NHSL2: variants seen among roughly 807,000 people sequenced by gnomAD.
NHSL2 encodes NHS like 2, also known as NHS-like protein 2.
A neutral mutation model predicts 53.4 loss-of-function variants in NHSL2; 27 were observed. That is an observed-to-expected ratio of 0.51 (90% CI 0.37 to 0.70). NHSL2 has a LOEUF of 0.70. NHSL2 is among the 30% of genes least tolerant of loss of function. The pLI is 0.00. For synonymous variants in NHSL2, 408 were observed against 404.1 expected, an observed-to-expected ratio of 1.01 and a Z score of -0.12; for missense variants, 892 against 980.1, an observed-to-expected ratio of 0.91 and a Z score of 1.20.
At chrX:72,026,240 C>T (rs975523366) in intron 1 of NHSL2, among the ~76,000 whole-genome samples, 3 of 111,993 alleles carry the variant, frequency 2.7e-5, no homozygotes, top group South Asian at 3.7e-4. Flanking sequence ...TTTGAAATGG[C>T]GCTGCCCAGG....
At position 71,990,769 on chromosome X, in the gene NHSL2, G is replaced by T. The variant is rs2042023828; in HGVS notation, c.280+79402G>T. Among the ~76,000 whole-genome samples, 3 of 112,016 alleles carry T rather than the reference G, an allele frequency of 2.7e-5. No homozygotes were observed. In the South Asian group the frequency reaches 1.1e-3, roughly 42 times the overall value. ...CAAGGCCTGCTCAGACTTCCCCAAG[G>T]CTTCTCTGCTGCTTCCAGCATAAAA... On this transcript the variant is annotated intron_variant, in intron 1 of 7. Coordinates refer to ENST00000633930, the MANE Select transcript of NHSL2 (RefSeq NM_001013627.3).
intron 1 of NHSL2, among the ~76,000 whole-genome samples, chrX:72,101,698 C>G (rs1483719764): frequency 1.3e-4 from 14 of 110,195 alleles, no homozygotes; most frequent in African/African-American, 4.3e-4. Context: ...TTCATCGGCC[C>G]CACCTGCCAG....
At chrX:72,108,763 G>A (rs1403337129) in intron 1 of NHSL2, among the ~76,000 whole-genome samples, 2 of 111,965 alleles carry the variant, frequency 1.8e-5, no homozygotes, top group African/African-American at 6.5e-5. Flanking sequence ...AGGAAACGCT[G>A]AGCCCAGGTT....
intron 1 of NHSL2, among the ~76,000 whole-genome samples, chrX:72,065,959 T>C (rs186278348): frequency 3.1e-4 from 35 of 112,105 alleles, no homozygotes; most frequent in Non-Finnish European, 3.0e-4. Flanking sequence ...GTTCTGAGTA[T>C]AGGCTGGAGA....
At chrX:72,075,931 G>GTTT (rs2041738473) in intron 1 of NHSL2, among the ~76,000 whole-genome samples, 1 of 77,803 alleles carries the variant, frequency 1.3e-5, no homozygotes, top group African/African-American at 4.3e-5. Context: ...TGTGTGTGTT[G>GTTT]TGTGTGTATT....
Position 72,143,493 on chromosome X carries a change from G to A in NHSL2, c.3597G>A (p.Leu1199=), listed in dbSNP as rs1365221703. The A allele has an allele frequency of 3.4e-6, 4 of 1,167,103 alleles. No homozygotes were observed. The highest frequency in any genetic ancestry group is 2.3e-4 in the Middle Eastern group (1 of 4,306). Residue 1199 remains leucine (L), a synonymous_variant, in exon 8 of 8, where the codon CTG becomes CTA. Coordinates refer to ENST00000633930, the MANE Select transcript of NHSL2 (RefSeq NM_001013627.3). ...CTCGTCCCTCAGCAGCTGAACTTCT[G>A]AAGACCACTAACCCACTGGCTCGGA... ...PRSRPSAAEL[L]KTTNPLARRI... is the part of the protein sequence containing the mutation.
rs1292652186 is a variant in NHSL2, at chrX:71,920,587, G to A, written c.280+9220G>A. 6.3e-5 allele frequency among the ~76,000 whole-genome samples: 7 copies of A among 111,524 alleles called. No individual in the cohort carries two copies. The South Asian group carries it at 1.9e-3, about 30-fold the overall frequency. ...TTAAAAGTTCCCATGTGATTCTACCGTGCAGCTTAGGTGAAGAACTCCTGT... is the reference window on the plus strand; with the variant it reads ...TTAAAAGTTCCCATGTGATTCTACCATGCAGCTTAGGTGAAGAACTCCTGT... On this transcript the variant is annotated intron_variant, in intron 1 of 7. Coordinates refer to ENST00000633930, the MANE Select transcript of NHSL2 (RefSeq NM_001013627.3).
intron 1 of NHSL2, among the ~76,000 whole-genome samples, chrX:71,995,285 C>T (rs1372887336): frequency 8.9e-6 from 1 of 112,322 alleles, no homozygotes; most frequent in African/African-American, 3.2e-5. Context: ...CTTGGATCCT[C>T]TATGCTCTAC....
In NHSL2 at chrX:72,152,345, G is replaced by C. The variant is rs1395376771; in HGVS notation, c.*8771G>C. On this transcript the variant is annotated 3_prime_UTR_variant, in exon 8 of 8. Coordinates refer to ENST00000633930, the MANE Select transcript of NHSL2 (RefSeq NM_001013627.3). ...CAAATCACACCATACATGCGTGTGT[G>C]CATGCGCGCGCGCACACACACACAC... The C allele has an allele frequency of 4.3e-5, 2 of 46,827 alleles. No individual in the cohort carries two copies. The highest frequency in any genetic ancestry group is 1.5e-4 in the African/African-American group (2 of 13,714). 3.9% of individuals were successfully genotyped at this position (46,827 alleles called of 1,213,427 possible). A position where few individuals can be genotyped will look rare whatever the true frequency, so the allele number is the denominator to read the frequency against.
chrX:71,963,321 A>C (rs1278597044), intron 1 of NHSL2, among the ~76,000 whole-genome samples: 3 of 111,051 alleles, frequency 2.7e-5, no homozygotes, highest in African/African-American at 9.8e-5. Context: ...AAGTGCTATG[A>C]TAGAAAACAT....
chrX:71,931,998 G>T (rs929068057), intron 1 of NHSL2, among the ~76,000 whole-genome samples: 2 of 112,267 alleles, frequency 1.8e-5, no homozygotes, highest in Non-Finnish European at 3.8e-5. Context: ...GACAAATATT[G>T]ATTGAGCACC....
chrX:72,137,019 C>T, intron 4 of NHSL2, 75 bp from the exon 5 acceptor site: 1 of 872,741 alleles, frequency 1.1e-6, no homozygotes, highest in Non-Finnish European at 1.6e-6. Flanking sequence ...CCATCATTCT[C>T]TTCTCTCAGG....
At chrX:71,985,500 G>T (rs941808044) in intron 1 of NHSL2, among the ~76,000 whole-genome samples, 1 of 112,353 alleles carries the variant, frequency 8.9e-6, no homozygotes. Context: ...AATAACTATT[G>T]CTATAAGTTA....
intron 1 of NHSL2, among the ~76,000 whole-genome samples, chrX:71,917,204 T>G (rs2041632472): frequency 9.1e-6 from 1 of 109,997 alleles, no homozygotes; most frequent in African/African-American, 3.3e-5. Flanking sequence ...GCCAGTTAAC[T>G]TGGGAGGTTT....
chrX:72,111,883 A>G (rs1183521778), intron 1 of NHSL2, among the ~76,000 whole-genome samples: 1 of 111,534 alleles, frequency 9.0e-6, no homozygotes, highest in African/African-American at 3.3e-5. Flanking sequence ...GATAAGGCAA[A>G]CAGACAGTCA....
At chrX:71,947,260 C>T (rs1336744245) in intron 1 of NHSL2, among the ~76,000 whole-genome samples, 1 of 111,818 alleles carries the variant, frequency 8.9e-6, no homozygotes, top group East Asian at 2.8e-4. Flanking sequence ...CAGGGCTTCC[C>T]TCTCCTCACT....
chrX:72,078,232 G>C (rs534545180), intron 1 of NHSL2, among the ~76,000 whole-genome samples: 3 of 112,187 alleles, frequency 2.7e-5, no homozygotes, highest in Admixed American at 9.4e-5. Flanking sequence ...CAATGTGAGG[G>C]GGGTAAGAGT....
chrX:72,137,886 G>A (rs2042372388), intron 5 of NHSL2, among the ~76,000 whole-genome samples: 1 of 111,847 alleles, frequency 8.9e-6, no homozygotes, highest in South Asian at 3.8e-4. Context: ...GTGTGTATGA[G>A]AAAACCTTTG....
intron 1 of NHSL2, among the ~76,000 whole-genome samples, chrX:71,979,988 A>G (rs1386721586): frequency 1.8e-5 from 2 of 112,165 alleles, no homozygotes; most frequent in African/African-American, 6.5e-5. Context: ...ATGGCTATCC[A>G]GTTTTCCCAG....
Sources: allele counts gnomAD v4.1 joint callset (sites outside exome capture counted in the v4.1 genomes callset), GRCh38; gene constraint gnomAD v4.1.1; transcripts MANE v1.5; gene names NCBI Gene and HGNC (gene_info 2026-07-23, HGNC 2026-07-21).